DCC: variants seen among roughly 807,000 people sequenced by gnomAD.
The protein encoded by DCC is DCC netrin 1 receptor.
In DCC, 58 loss-of-function variants were observed where a neutral mutation model predicts 172.5. That is an observed-to-expected ratio of 0.34 (90% CI 0.27 to 0.42). DCC has a LOEUF of 0.42. Among genes scored for constraint, DCC ranks in the 10% least tolerant of loss-of-function variants. The pLI is 1.00. For missense variants in DCC, 1,740 were observed against 1,791.0 expected, an observed-to-expected ratio of 0.97 and a Z score of 0.51; for synonymous variants, 709 against 644.5, an observed-to-expected ratio of 1.10 and a Z score of -1.52.
chr18:53,333,486 C>A (rs2144853622), intron 14 of DCC, among the ~76,000 whole-genome samples: 1 of 152,280 alleles, frequency 6.6e-6, no homozygotes, highest in Middle Eastern at 3.4e-3. Context: ...CTATAGCAGG[C>A]AGTATGTGGT....
intron 5 of DCC, among the ~76,000 whole-genome samples, chr18:52,938,887 C>T (rs2040420715): frequency 6.6e-6 from 1 of 152,014 alleles, no homozygotes; most frequent in Non-Finnish European, 1.5e-5. Flanking sequence ...TCCAACTGCT[C>T]TTATTCATAA....
At chr18:52,624,193 C>T (rs1196802701) in intron 1 of DCC, among the ~76,000 whole-genome samples, 1 of 152,046 alleles carries the variant, frequency 6.6e-6, no homozygotes, top group Non-Finnish European at 1.5e-5. Context: ...TAAATTGAAA[C>T]AAAATTAAAT....
chr18:53,153,072 G>T (rs2054668875), intron 7 of DCC, among the ~76,000 whole-genome samples: 2 of 152,140 alleles, frequency 1.3e-5, no homozygotes, highest in Admixed American at 6.5e-5. Flanking sequence ...GATGCCAATT[G>T]GTTTGTGATG....
At chr18:53,056,059 G>A (rs2042399503) in intron 5 of DCC, among the ~76,000 whole-genome samples, 1 of 151,984 alleles carries the variant, frequency 6.6e-6, no homozygotes, top group Non-Finnish European at 1.5e-5. Flanking sequence ...TTTCCTCTTA[G>A]GTGTATTAGT....
intron 1 of DCC, among the ~76,000 whole-genome samples, chr18:52,613,752 G>A (rs765570511): frequency 1.3e-5 from 2 of 152,048 alleles, no homozygotes; most frequent in African/African-American, 4.8e-5. Context: ...AGTTTCCTTT[G>A]TTATAGTGGT....
At chr18:52,845,291 C>T (rs1353123251) in intron 2 of DCC, among the ~76,000 whole-genome samples, 2 of 152,128 alleles carry the variant, frequency 1.3e-5, no homozygotes, top group Non-Finnish European at 2.9e-5. Context: ...TCCCTGAGAC[C>T]CCTGTAGCTA....
rs182130864 is a variant in DCC at position 52,877,127 on chromosome 18, T to G, written c.413-28917T>G. Among the ~76,000 whole-genome samples, 7 of 152,358 alleles carry G rather than the reference T, an allele frequency of 4.6e-5. No homozygotes were observed. The East Asian group carries it at 7.7e-4, about 17-fold the overall frequency. ...CGTACCCTGGAAACAAATGCCTTGG[T>G]GTGTATTGGTCTAGGTCAATCTCAA... On this transcript the variant is annotated intron_variant, in intron 2 of 28. Coordinates refer to ENST00000442544, the MANE Select transcript of DCC (RefSeq NM_005215.4).
chr18:53,286,842 A>G (rs2056941172), intron 12 of DCC, among the ~76,000 whole-genome samples: 1 of 152,228 alleles, frequency 6.6e-6, no homozygotes, highest in African/African-American at 2.4e-5. Context: ...TTCCAACTCT[A>G]CAAAAATATT....
intron 1 of DCC, among the ~76,000 whole-genome samples, chr18:52,437,799 C>A (rs1272369772): frequency 6.6e-6 from 1 of 152,132 alleles, no homozygotes; most frequent in Non-Finnish European, 1.5e-5. Context: ...AACCACTGTC[C>A]ACCTATATTC....
intron 1 of DCC, among the ~76,000 whole-genome samples, chr18:52,646,505 C>G (rs905080253): frequency 1.5e-4 from 23 of 152,190 alleles, no homozygotes; most frequent in African/African-American, 5.5e-4. Flanking sequence ...ACTTCAGATG[C>G]TAAGTCCAGG....
At chr18:53,430,125 G>C (rs1000594985) in intron 21 of DCC, among the ~76,000 whole-genome samples, 1 of 151,964 alleles carries the variant, frequency 6.6e-6, no homozygotes, top group African/African-American at 2.4e-5. Flanking sequence ...TTATCTGCTG[G>C]TATACAAGAC....
At chr18:53,351,314 T>TATATATATATATATAC (rs1330722397) in intron 15 of DCC, among the ~76,000 whole-genome samples, 1 of 18,248 alleles carries the variant, frequency 5.5e-5, no homozygotes, top group Non-Finnish European at 1.5e-4. Flanking sequence ...TATATATATA[T>TATATATATATATATAC]ACACTGTATA....
At chr18:53,089,634 G>A (rs570894607) in intron 7 of DCC, among the ~76,000 whole-genome samples, 9 of 151,678 alleles carry the variant, frequency 5.9e-5, no homozygotes, top group South Asian at 2.1e-4. Context: ...TTCTTTATGG[G>A]CACCTAAAAG....
chr18:52,508,086 C>A (rs1033816827), intron 1 of DCC, among the ~76,000 whole-genome samples: 4 of 140,424 alleles, frequency 2.8e-5, no homozygotes, highest in East Asian at 4.2e-4. Context: ...GGTGACAGAG[C>A]AAGACTCTGT....
At chr18:53,213,388 T>C (rs1473019927) in intron 11 of DCC, among the ~76,000 whole-genome samples, 1 of 151,878 alleles carries the variant, frequency 6.6e-6, no homozygotes, top group Non-Finnish European at 1.5e-5. Context: ...AGTGGCTCAC[T>C]CCTGTAATCC....
chr18:52,814,734 T>A (rs1444396392), intron 2 of DCC, among the ~76,000 whole-genome samples: 2 of 152,216 alleles, frequency 1.3e-5, no homozygotes, highest in Admixed American at 1.3e-4. Context: ...AAAAAGCCTT[T>A]CTTAAACTCA....
chr18:52,848,722 C>T (rs899953782), intron 2 of DCC, among the ~76,000 whole-genome samples: 12 of 152,044 alleles, frequency 7.9e-5, no homozygotes, highest in Non-Finnish European at 1.5e-4. Flanking sequence ...TCCAGTTGAC[C>T]CAACAACATT....
intron 7 of DCC, among the ~76,000 whole-genome samples, chr18:53,128,060 T>C (rs1328545273): frequency 6.6e-6 from 1 of 151,994 alleles, no homozygotes; most frequent in Non-Finnish European, 1.5e-5. Context: ...GCAAAGTGAC[T>C]CCTTGAAAAA....
chr18:53,074,098 T>A (rs1340755254), intron 7 of DCC, among the ~76,000 whole-genome samples: 1 of 152,170 alleles, frequency 6.6e-6, no homozygotes, highest in Admixed American at 6.5e-5. Context: ...TCTAAAGGGC[T>A]GTACTTCTTA....
Sources: allele counts gnomAD v4.1 joint callset (sites outside exome capture counted in the v4.1 genomes callset), GRCh38; gene constraint gnomAD v4.1.1; transcripts MANE v1.5; gene names NCBI Gene and HGNC (gene_info 2026-07-23, HGNC 2026-07-21).